Variants in CECR2 observed in about 807,000 individuals in gnomAD.
The protein encoded by CECR2 is CECR2 histone acetyl-lysine reader.
Under a neutral mutation model 154.5 loss-of-function variants are expected in CECR2, and 30 were observed. The ratio of observed to expected loss-of-function variants is 0.19; its 90% CI spans 0.15 to 0.26. The LOEUF (loss-of-function observed/expected upper bound fraction) is 0.26. CECR2 is among the 10% of genes least tolerant of loss of function. The pLI, the probability that CECR2 is intolerant of heterozygous loss-of-function variation, is 1.00. For synonymous variants in CECR2, 725 were observed against 683.7 expected (o/e 1.06, Z -0.94); for missense variants, 1,743 against 1,829.3 (o/e 0.95, Z 0.86).
At chr22:17,544,084 C>T (rs2056572494) in intron 16 of CECR2, among the ~76,000 whole-genome samples, 1 of 152,204 alleles carries the variant, frequency 6.6e-6, no homozygotes, top group Non-Finnish European at 1.5e-5. Context: ...GTCAGCCGGG[C>T]AGTAGTTTTG....
At chr22:17,464,372 C>T (rs986383671) in intron 1 of CECR2, among the ~76,000 whole-genome samples, 5 of 152,192 alleles carry the variant, frequency 3.3e-5, no homozygotes, top group Admixed American at 6.5e-5. Flanking sequence ...TTATCTCTGA[C>T]GAGTAGGGGT....
chr22:17,504,965 G>A lies in CECR2; in HGVS notation c.819G>A (p.Lys273=), dbSNP rs1465098317. ...CCCTTCGAGAACGGCAGCTCTACAA[G>A]CTCCTCAGTGAGGACTTCCTGCCTG... ...RTSLRERQLY[K]LLSEDFLPEI... Residue 273 remains lysine (K), a synonymous_variant, in exon 7 of 19, where the codon AAG becomes AAA. Transcript: ENST00000262608. The A allele has an allele frequency of 6.2e-7, 1 of 1,613,652 alleles. No individual in the cohort carries two copies. The highest frequency in any genetic ancestry group is 2.2e-5 in the East Asian group (1 of 44,858).
intron 1 of CECR2, among the ~76,000 whole-genome samples, chr22:17,450,936 T>G (rs1315828687): frequency 6.6e-6 from 1 of 152,248 alleles, no homozygotes; most frequent in Non-Finnish European, 1.5e-5. Context: ...ATTACAGTTC[T>G]CTACTCACTG....
chr22:17,496,506 AAAAAG>A (rs1176035515), intron 2 of CECR2, among the ~76,000 whole-genome samples: 1 of 152,004 alleles, frequency 6.6e-6, no homozygotes, highest in Non-Finnish European at 1.5e-5. Flanking sequence ...TCTCAAAAAA[AAAAAG>A]AAAGAAAGAA....
At chr22:17,401,829 C>A (rs1350364478) in intron 1 of CECR2, among the ~76,000 whole-genome samples, 4 of 75,008 alleles carry the variant, frequency 5.3e-5, no homozygotes, top group South Asian at 6.8e-4. Flanking sequence ...ATATTTAACA[C>A]CCCCCCCCGC....
At chr22:17,510,551 A>G (rs994932328) in intron 7 of CECR2, among the ~76,000 whole-genome samples, 4 of 152,064 alleles carry the variant, frequency 2.6e-5, no homozygotes, top group Admixed American at 2.6e-4. Context: ...AGGTCATGAC[A>G]GCGTTTGATA....
At chr22:17,446,436 C>G (rs550012193) in intron 1 of CECR2, among the ~76,000 whole-genome samples, 2 of 152,164 alleles carry the variant, frequency 1.3e-5, no homozygotes, top group African/African-American at 4.8e-5. Flanking sequence ...GGTGTGGACC[C>G]CCAGGGCGCG....
intron 1 of CECR2, among the ~76,000 whole-genome samples, chr22:17,395,892 G>A (rs2146519700): frequency 6.6e-6 from 1 of 151,996 alleles, no homozygotes; most frequent in African/African-American, 2.4e-5. Flanking sequence ...AAAGTATCAT[G>A]AATATTCTTT....
At chr22:17,541,693 T>A in intron 14 of CECR2, 146 bp from the exon 15 acceptor site, 10 of 883,046 alleles carry the variant, frequency 1.1e-5, no homozygotes, top group Non-Finnish European at 1.5e-5. Context: ...GGTGAGCACG[T>A]GTGTTCACAG....
intron 2 of CECR2, among the ~76,000 whole-genome samples, chr22:17,495,585 G>A (rs1410980369): frequency 3.6e-5 from 4 of 109,898 alleles, no homozygotes; most frequent in East Asian, 2.7e-4. Flanking sequence ...AAAAAAAAAC[G>A]GGTGTGGTGG....
chr22:17,554,635 C>T lies in CECR2; in HGVS notation c.*1795C>T, dbSNP rs2056753732. ...AGAGTTGAGTAGGGAACACAGGTGC[C>T]TCTAAGGTATAATGCACAAAAATAC... On this transcript the variant is annotated 3_prime_UTR_variant, in exon 19 of 19. Coordinates refer to ENST00000262608, the MANE Select transcript of CECR2 (RefSeq NM_001290047.2). 6.6e-6 allele frequency: 1 copy of T among 152,176 alleles called. No individual in the cohort carries two copies. Among genetic ancestry groups the T allele is most frequent in the African/African-American group, 2.4e-5 (1 of 41,430 alleles). The allele number at this position is 152,176 out of a possible 1,614,324, so 9.4% of individuals were successfully genotyped here. A position where few individuals can be genotyped will look rare whatever the true frequency, so the allele number is the denominator to read the frequency against.
chr22:17,510,797 G>A (rs1050741417), intron 7 of CECR2, among the ~76,000 whole-genome samples: 2 of 152,012 alleles, frequency 1.3e-5, no homozygotes, highest in Admixed American at 6.6e-5. Flanking sequence ...AGTAGAGATG[G>A]GGTTTCACCA....
intron 1 of CECR2, among the ~76,000 whole-genome samples, chr22:17,460,838 G>GGA (rs1365659542): frequency 6.6e-6 from 1 of 152,194 alleles, no homozygotes; most frequent in African/African-American, 2.4e-5. Flanking sequence ...TGTAGGGGAA[G>GGA]GAAATCTCTT....
Position 17,557,286 on chromosome 22 carries a change from C to T in CECR2, c.*4446C>T, listed in dbSNP as rs2056784819. 2 of 151,650 alleles carry T rather than the reference C, an allele frequency of 1.3e-5. No homozygotes were observed. The highest frequency in any genetic ancestry group is 4.2e-4 in the South Asian group (2 of 4,800). 9.4% of individuals were successfully genotyped at this position (151,650 alleles called of 1,614,324 possible). A position where few individuals can be genotyped will look rare whatever the true frequency, so the allele number is the denominator to read the frequency against. On this transcript the variant is annotated 3_prime_UTR_variant, in exon 19 of 19. Transcript: ENST00000262608. The stretch of plus-strand genomic sequence containing the variant: ...GCCTCGGCCTCCCAAGTAGCTGGGA[C>T]TACAAGCGCGCACCACCACTCCCAG...
chr22:17,372,582 C>G (rs886866090), intron 1 of CECR2, among the ~76,000 whole-genome samples: 1 of 152,030 alleles, frequency 6.6e-6, no homozygotes, highest in Non-Finnish European at 1.5e-5. Flanking sequence ...GCAGGATGAT[C>G]GCTTGAACCC....
rs1208368889 is a variant in CECR2, at chr22:17,418,816, C to G, written c.126+48907C>G. The G allele has an allele frequency of 1.5e-5, 3 of 199,772 alleles. No homozygotes were observed. In the Admixed American group the frequency reaches 1.8e-4, roughly 12 times the overall value. The allele number at this position is 199,772 out of a possible 1,614,324, so 12.4% of individuals were successfully genotyped here. On this transcript the variant is annotated intron_variant, in intron 1 of 18. Transcript: ENST00000262608. ...AGCTCTGTGTTCTTCCACGTGGGGC[C>G]CAGCCCGGCCGAGCTCATCCTGCAG...
In CECR2 at chr22:17,447,874, G is replaced by GTT. The variant is rs35094119; in HGVS notation, c.127-29705_127-29704dup. On this transcript the variant is annotated intron_variant, in intron 1 of 18. Transcript: ENST00000262608. ...TAGCCATGGTAGCCACATTTCAAGT[G>GTT]TTTTTTTTTTGTTTGTTTGTTTTTG... is the stretch of plus-strand genomic sequence containing the variant. Among the ~76,000 whole-genome samples, 1,895 of 122,828 alleles carry GTT rather than the reference G, an allele frequency of 0.015. 76 individuals carry two copies. In the East Asian group the frequency reaches 0.2, roughly 13 times the overall value. 80.6% of individuals were successfully genotyped at this position (122,828 alleles called of 152,430 possible).
At chr22:17,533,084 G>A (rs1300155512) in intron 9 of CECR2, among the ~76,000 whole-genome samples, 16 of 151,840 alleles carry the variant, frequency 1.1e-4, no homozygotes, top group African/African-American at 2.4e-4. Context: ...TTGGGAGGCC[G>A]AGGCGGGCAG....
intron 1 of CECR2, among the ~76,000 whole-genome samples, chr22:17,400,531 A>G (rs534354925): frequency 1.3e-5 from 2 of 152,120 alleles, no homozygotes; most frequent in Non-Finnish European, 2.9e-5. Context: ...GAGTGATTTC[A>G]TTTCTGAAGT....
Sources: gnomAD v4.1 joint callset for allele counts (sites outside exome capture counted in the v4.1 genomes callset) on GRCh38, gnomAD v4.1.1 for gene constraint, MANE v1.5 for transcripts, NCBI Gene and HGNC (gene_info 2026-07-23, HGNC 2026-07-21) for gene names.